The following CACNA1A variants were observed in gnomAD, a reference collection of about 807,000 sequenced individuals.
CACNA1A encodes voltage-dependent P/Q-type calcium channel subunit alpha-1A.
In CACNA1A, 57 loss-of-function variants were observed where a neutral mutation model predicts 262.4. The observed-to-expected ratio is 0.22, with a 90% confidence interval of 0.18 to 0.27. The LOEUF (loss-of-function observed/expected upper bound fraction) is 0.27, where lower values mean the gene tolerates loss of function less well. Among genes scored for constraint, CACNA1A ranks in the 10% least tolerant of loss-of-function variants. The pLI is 1.00. For synonymous variants in CACNA1A, 1,431 were observed against 1,419.3 expected (o/e 1.01, Z -0.18); for missense variants, 2,526 against 3,562.8 (o/e 0.71, Z 7.41).
chr19:13,480,103 CG>C (rs1979087180), intron 1 of CACNA1A, among the ~76,000 whole-genome samples: 2 of 152,318 alleles, frequency 1.3e-5, no homozygotes, highest in African/African-American at 4.8e-5. Context: ...TAGCATATTA[CG>C]TATTTGTAGC....
chr19:13,240,745 G>C (rs1463147617), intron 31 of CACNA1A, among the ~76,000 whole-genome samples: 1 of 70,828 alleles, frequency 1.4e-5, no homozygotes, highest in African/African-American at 5.3e-5. Context: ...ACTGCGTGCA[G>C]CGTCTGTGTG....
At chr19:13,240,650 CTG>C (rs1235969949) in intron 31 of CACNA1A, among the ~76,000 whole-genome samples, 81 of 147,672 alleles carry the variant, frequency 5.5e-4, no homozygotes, top group East Asian at 1.0e-3. Context: ...TGCGCAGTGA[CTG>C]TGTGTGTGGA....
chr19:13,215,596 A>G (rs192496824), intron 38 of CACNA1A, among the ~76,000 whole-genome samples: 1 of 148,322 alleles, frequency 6.7e-6, no homozygotes, highest in African/African-American at 2.5e-5. Context: ...TGGCGATTAC[A>G]TGCGTGAGCC....
intron 38 of CACNA1A, among the ~76,000 whole-genome samples, chr19:13,217,451 C>A (rs77704277): frequency 2.6e-5 from 4 of 152,112 alleles, no homozygotes; most frequent in Admixed American, 6.6e-5. Context: ...TCCTGAGACC[C>A]GCATCTGCTC....
intron 5 of CACNA1A, among the ~76,000 whole-genome samples, chr19:13,360,476 T>C (rs1032653274): frequency 2.1e-4 from 14 of 65,166 alleles, no homozygotes; most frequent in African/African-American, 2.0e-3. Flanking sequence ...CCACTAGAAT[T>C]TTTTTTTTTT....
At chr19:13,336,598 A>AGAGAGAGG (rs2058575103) in intron 6 of CACNA1A, among the ~76,000 whole-genome samples, 3 of 102,346 alleles carry the variant, frequency 2.9e-5, no homozygotes, top group African/African-American at 8.1e-5. Flanking sequence ...AGAGAGGGAG[A>AGAGAGAGG]GAGAGAGAGA....
Position 13,212,313 on chromosome 19 carries a change from G to C in CACNA1A, c.6189+71C>G. 1.9e-6 allele frequency: 3 copies of C among 1,576,432 alleles called. No homozygotes were observed. The highest frequency in any genetic ancestry group is 2.6e-6 in the Non-Finnish European group (3 of 1,148,924). On this transcript the variant is annotated intron_variant, in intron 42 of 46. Coordinates refer to ENST00000360228, the MANE Select transcript of CACNA1A (RefSeq NM_001127222.2). This position sits in a 1 kb window ranked among gnomAD's most constrained non-coding sequence, Gnocchi z 5.6. Reference sequence around the variant, plus strand: ...GGGAGCTGCAGGTGTGTGTGTGTGGGGGGCCCAGATCCCTTCCACCTGAAC... The same window carrying C: ...GGGAGCTGCAGGTGTGTGTGTGTGGCGGGCCCAGATCCCTTCCACCTGAAC...
At chr19:13,420,250 G>A (rs2060296660) in intron 3 of CACNA1A, among the ~76,000 whole-genome samples, 1 of 151,398 alleles carries the variant, frequency 6.6e-6, no homozygotes, top group South Asian at 2.1e-4. Flanking sequence ...TGCACAGAAA[G>A]GCTCGCTCTC....
chr19:13,405,625 A>G (rs1360602445), intron 3 of CACNA1A, among the ~76,000 whole-genome samples: 1 of 152,130 alleles, frequency 6.6e-6, no homozygotes, highest in African/African-American at 2.4e-5. Flanking sequence ...ATCCTCCATA[A>G]CTGTATGAAG....
intron 3 of CACNA1A, among the ~76,000 whole-genome samples, chr19:13,424,747 T>C (rs1447937871): frequency 6.6e-6 from 1 of 152,110 alleles, no homozygotes; most frequent in African/African-American, 2.4e-5. Flanking sequence ...AGTGCTGAGA[T>C]GACAGGCATA....
intron 3 of CACNA1A, among the ~76,000 whole-genome samples, chr19:13,440,894 C>T (rs2060707638): frequency 6.6e-6 from 1 of 152,202 alleles, no homozygotes; most frequent in South Asian, 2.1e-4. Flanking sequence ...CAGACTTGAC[C>T]TCCTGGGCTC....
chr19:13,328,737 T>C (rs2058412869), intron 10 of CACNA1A, among the ~76,000 whole-genome samples: 1 of 152,030 alleles, frequency 6.6e-6, no homozygotes, highest in Admixed American at 6.6e-5. Context: ...AAACAAACCA[T>C]AGTGTATCCA....
chr19:13,408,261 T>C (rs1389852099), intron 3 of CACNA1A, among the ~76,000 whole-genome samples: 1 of 152,136 alleles, frequency 6.6e-6, no homozygotes, highest in Non-Finnish European at 1.5e-5. Flanking sequence ...TCCCAGCTAC[T>C]CAGGAAGCTG....
At position 13,307,762 on chromosome 19, in the gene CACNA1A, G is replaced by T. The variant is rs777935448; in HGVS notation, c.1986+20C>A. On this transcript the variant is annotated intron_variant, in intron 15 of 46. Transcript: ENST00000360228. ...TGACACTGAGAGGTGTTGGCCCGTGGGGCCAGGTGGAGGCTGTACCTGAAA... is the reference window on the plus strand; with the variant it reads ...TGACACTGAGAGGTGTTGGCCCGTGTGGCCAGGTGGAGGCTGTACCTGAAA... 1.9e-5 allele frequency: 31 copies of T among 1,611,690 alleles called. No individual in the cohort carries two copies. Among genetic ancestry groups the T allele is most frequent in the Non-Finnish European group, 2.6e-5 (31 of 1,177,918 alleles).
intron 3 of CACNA1A, among the ~76,000 whole-genome samples, chr19:13,387,408 A>G (rs2059633775): frequency 6.6e-6 from 1 of 152,114 alleles, no homozygotes; most frequent in Admixed American, 6.5e-5. Context: ...GACTTGTTCT[A>G]TTCTCCCTTT....
intron 5 of CACNA1A, among the ~76,000 whole-genome samples, chr19:13,360,629 C>G (rs1028933226): frequency 2.0e-5 from 3 of 152,026 alleles, no homozygotes; most frequent in African/African-American, 7.3e-5. Flanking sequence ...AGGTGGCCAC[C>G]ACCACACCTG....
chr19:13,207,782 C>T lies in CACNA1A; in HGVS notation c.7052G>A (p.Gly2351Glu), dbSNP rs1442777428. The change falls in exon 47 of 47, where the codon GGA becomes GAA. Residue 2351 changes from glycine (G) to glutamate (E), a missense_variant. Coordinates refer to ENST00000360228, the MANE Select transcript of CACNA1A (RefSeq NM_001127222.2). The surrounding 1 kb of genome is among the most constrained non-coding windows in gnomAD (Gnocchi z 5.7). ...YPGPTAEPLAGDRPPTGGHSS... is the reference protein window; with the variant it reads ...YPGPTAEPLAEDRPPTGGHSS... ...GTGGCCCCCCGTGGGCGGCCGATCTCCGGCCAGAGGCTCGGCCGTGGGGCC... is the reference window on the plus strand; with the variant it reads ...GTGGCCCCCCGTGGGCGGCCGATCTTCGGCCAGAGGCTCGGCCGTGGGGCC... 2.3e-5 allele frequency: 32 copies of T among 1,390,798 alleles called. No homozygotes were observed. Among genetic ancestry groups the T allele is most frequent in the Non-Finnish European group, 2.7e-5 (29 of 1,080,774 alleles). The allele number at this position is 1,390,798 out of a possible 1,614,324, so 86.2% of individuals were successfully genotyped here.
chr19:13,376,793 A>C (rs1259689883), intron 3 of CACNA1A, among the ~76,000 whole-genome samples: 3 of 109,740 alleles, frequency 2.7e-5, no homozygotes, highest in Non-Finnish European at 5.7e-5. Context: ...TATGTGACAT[A>C]TATACACATA....
chr19:13,324,672 A>C (rs1408726719), intron 10 of CACNA1A, among the ~76,000 whole-genome samples: 1 of 152,146 alleles, frequency 6.6e-6, no homozygotes, highest in African/African-American at 2.4e-5. Context: ...GTTTGAGACC[A>C]GCCTGGGCAA....
Sources: gnomAD v4.1 joint callset for allele counts (sites outside exome capture counted in the v4.1 genomes callset) on GRCh38, gnomAD v4.1.1 for gene constraint, Gnocchi (gnomAD v3.1) non-coding constraint, MANE v1.5 for transcripts, NCBI Gene and HGNC (gene_info 2026-07-23, HGNC 2026-07-21) for gene names.